Variants in ZNF700 observed in about 807,000 individuals in gnomAD.
ZNF700 encodes zinc finger protein 700.
Under a neutral mutation model 65.3 loss-of-function variants are expected in ZNF700, and 38 were observed. The observed-to-expected ratio is 0.58, with a 90% CI of 0.45 to 0.76. ZNF700 has a LOEUF of 0.76. Ranked by LOEUF, ZNF700 falls within the 30% of genes least tolerant of loss-of-function variation. The probability of loss-of-function intolerance (pLI) is 0.00; values close to 1 mark genes in which losing one functional copy is unlikely to be tolerated. For synonymous variants in ZNF700, 285 were observed against 290.4 expected, an observed-to-expected ratio of 0.98 and a Z score of 0.19; for missense variants, 857 against 888.4, an observed-to-expected ratio of 0.96 and a Z score of 0.45.
intron 3 of ZNF700, among the ~76,000 whole-genome samples, chr19:11,947,832 C>T (rs1333952439): frequency 6.6e-6 from 1 of 152,094 alleles, no homozygotes; most frequent in Non-Finnish European, 1.5e-5. Flanking sequence ...ATAACGAGAC[C>T]ACATATCAAC....
intron 1 of ZNF700, among the ~76,000 whole-genome samples, chr19:11,934,187 T>G (rs1972755756): frequency 1.4e-5 from 2 of 147,744 alleles, no homozygotes; most frequent in African/African-American, 5.3e-5. Flanking sequence ...CTATTTTTTT[T>G]TAAAAAAAGA....
In ZNF700 at chr19:11,947,525, A is replaced by G; in HGVS notation, c.202A>G (p.Ser68Gly). The G allele has an allele frequency of 2.5e-6, 4 of 1,612,458 alleles. No homozygotes were observed. Among genetic ancestry groups the G allele is most frequent in the Non-Finnish European group, 3.4e-6 (4 of 1,179,684 alleles). ...TGTCTGTATTTTAGGAAAAAAATGG[A>G]GTGACCAGAACATTGAATATGAGTA... ...RNLTSIGKKW[S>G]DQNIEYEYQN... The change falls in exon 3 of 4, where the codon AGT becomes GGT. Residue 68 changes from serine (S) to glycine (G), a missense_variant. By Grantham distance (56) the Ser-to-Gly change is moderately conservative. Transcript: ENST00000254321.
intron 1 of ZNF700, among the ~76,000 whole-genome samples, chr19:11,944,868 C>G (rs1331443678): frequency 6.6e-6 from 1 of 152,212 alleles, no homozygotes; most frequent in Non-Finnish European, 1.5e-5. Context: ...TGAAGTGACT[C>G]CTGGCCTAGA....
chr19:11,942,805 C>T (rs1046151665), intron 1 of ZNF700, among the ~76,000 whole-genome samples: 3 of 152,150 alleles, frequency 2.0e-5, no homozygotes, highest in Admixed American at 1.3e-4. Flanking sequence ...GGTGTGGCAC[C>T]GGGCTGTCTG....
rs375605813 is a variant in ZNF700 at position 11,941,368 on chromosome 19, C to T, written c.64-5813C>T. On this transcript the variant is annotated intron_variant, in intron 1 of 3. Transcript: ENST00000254321. ...GGGGGCGGCGCTCATCGGGGAGGCT[C>T]GGGCCGCACAGGAGCCCATGGAGGA... is the stretch of plus-strand genomic sequence containing the variant. Among the ~76,000 whole-genome samples the T allele has an allele frequency of 7.6e-3, 1,152 of 152,260 alleles. 13 individuals carry two copies. Among genetic ancestry groups the T allele is most frequent in the African/African-American group, 0.027 (1,121 of 41,580 alleles).
chr19:11,925,442 G>T (rs1972611239), intron 1 of ZNF700, among the ~76,000 whole-genome samples, 169 bp downstream of exon 1: 1 of 152,186 alleles, frequency 6.6e-6, no homozygotes, highest in Non-Finnish European at 1.5e-5. Context: ...ACGGGGCTGG[G>T]CCAGCAGCCA....
intron 1 of ZNF700, among the ~76,000 whole-genome samples, chr19:11,941,567 G>A (rs542264929): frequency 1.3e-5 from 2 of 152,322 alleles, no homozygotes; most frequent in Admixed American, 6.5e-5. Context: ...CCCAGGGCCA[G>A]CAGGGTCGGC....
At chr19:11,930,596 A>G (rs1972698659) in intron 1 of ZNF700, among the ~76,000 whole-genome samples, 1 of 148,720 alleles carries the variant, frequency 6.7e-6, no homozygotes. Flanking sequence ...CAGGTAGTGG[A>G]TTGATTATTC....
intron 1 of ZNF700, among the ~76,000 whole-genome samples, chr19:11,946,601 G>A (rs1025119370): frequency 5.9e-5 from 9 of 152,146 alleles, no homozygotes; most frequent in Admixed American, 5.9e-4. Flanking sequence ...GTAATCTTGT[G>A]CCATACCTTT....
chr19:11,937,515 G>A (rs1470274175), intron 1 of ZNF700, among the ~76,000 whole-genome samples: 1 of 142,202 alleles, frequency 7.0e-6, no homozygotes, highest in East Asian at 2.0e-4. Context: ...TTGAGACAGA[G>A]TCTCGCTCTG....
intron 2 of ZNF700, 90 bp from the exon 3 acceptor site, chr19:11,947,424 A>AT (rs1972977371): frequency 6.2e-7 from 1 of 1,600,592 alleles, no homozygotes; most frequent in Non-Finnish European, 8.5e-7. Context: ...TAAATGAGGC[A>AT]TGGCTGCAGT....
intron 1 of ZNF700, among the ~76,000 whole-genome samples, chr19:11,930,629 C>T (rs1972699124): frequency 6.7e-6 from 1 of 148,400 alleles, no homozygotes; most frequent in Non-Finnish European, 1.5e-5. Flanking sequence ...CCATTTGTCC[C>T]TGCTTTTTCT....
chr19:11,940,332 C>G (rs548631428), intron 1 of ZNF700, among the ~76,000 whole-genome samples: 1 of 152,092 alleles, frequency 6.6e-6, no homozygotes, highest in Non-Finnish European at 1.5e-5. Context: ...TGGACCCTTG[C>G]GGTGAGTGTT....
At chr19:11,929,649 A>C (rs2145273395) in intron 1 of ZNF700, among the ~76,000 whole-genome samples, 1 of 147,976 alleles carries the variant, frequency 6.8e-6, no homozygotes, top group South Asian at 2.1e-4. Flanking sequence ...CACACAGTTC[A>C]GTCTCATTGC....
At chr19:11,925,865 T>C (rs1410843443) in intron 1 of ZNF700, among the ~76,000 whole-genome samples, 1 of 152,176 alleles carries the variant, frequency 6.6e-6, no homozygotes, top group Non-Finnish European at 1.5e-5. Context: ...CTGGAGTAAG[T>C]GGTCCCGAGG....
At position 11,949,243 on chromosome 19, in the gene ZNF700, T is replaced by TA. The variant is rs1425042366; in HGVS notation, c.1220dup (p.Tyr407Ter). The TA allele has an allele frequency of 6.2e-7, 1 of 1,613,576 alleles. No homozygotes were observed. Among genetic ancestry groups the TA allele is most frequent in the Non-Finnish European group, 8.5e-7 (1 of 1,179,884 alleles). Residue 407 changes from tyrosine (Y) to a stop codon, truncating the protein, a stop_gained and frameshift_variant, in exon 4 of 4, where the codon TAT becomes TAAT. Transcript: ENST00000254321. LOFTEE classifies it high-confidence loss of function. ...KAFNLSSSFR[Y>*]HERIHTGEKP... ...CTTCAATCTTTCCAGTTCCTTTCGATATCATGAAAGGATTCACACTGGAGA... is the reference window on the plus strand; with the variant it reads ...CTTCAATCTTTCCAGTTCCTTTCGATAATCATGAAAGGATTCACACTGGAGA...
chr19:11,939,697 T>C (rs1036915359), intron 1 of ZNF700, among the ~76,000 whole-genome samples: 3 of 152,174 alleles, frequency 2.0e-5, no homozygotes, highest in African/African-American at 7.2e-5. Context: ...CTGACCTCCA[T>C]AATTGCACCT....
chr19:11,949,602 T>C lies in ZNF700; in HGVS notation c.1578T>C (p.His526=). The C allele has an allele frequency of 6.2e-7, 1 of 1,612,998 alleles. No homozygotes were observed. Among genetic ancestry groups the C allele is most frequent in the Non-Finnish European group, 8.5e-7 (1 of 1,179,828 alleles). ...ATTCTGCCAAGTCATTTCAAACACATGAAAAAACTCACACTGGAGAGAAAC... is the reference window on the plus strand; with the variant it reads ...ATTCTGCCAAGTCATTTCAAACACACGAAAAAACTCACACTGGAGAGAAAC... ...GFYSAKSFQT[H]EKTHTGEKPY... Residue 526 remains histidine (H), a synonymous_variant, in exon 4 of 4, where the codon CAT becomes CAC. Transcript: ENST00000254321.
chr19:11,946,108 A>G (rs952370136), intron 1 of ZNF700, among the ~76,000 whole-genome samples: 17 of 152,206 alleles, frequency 1.1e-4, no homozygotes, highest in Non-Finnish European at 1.8e-4. Flanking sequence ...TTAGTCCAGT[A>G]GCCCTTCTGC....
Sources: gnomAD v4.1 joint callset for allele counts (sites outside exome capture counted in the v4.1 genomes callset) on GRCh38, gnomAD v4.1.1 for gene constraint, MANE v1.5 for transcripts, NCBI Gene and HGNC (gene_info 2026-07-23, HGNC 2026-07-21) for gene names.